MYO1H: variants seen among roughly 807,000 people sequenced by gnomAD.
The protein encoded by MYO1H is myosin IH.
A neutral mutation model predicts 149.3 loss-of-function variants in MYO1H; 118 were observed. That is an observed-to-expected ratio of 0.79 (90% confidence interval 0.68 to 0.92). MYO1H has a LOEUF of 0.92. MYO1H is among the 40% of genes least tolerant of loss of function. MYO1H has a pLI of 0.00. For synonymous variants in MYO1H, 447 were observed against 465.2 expected (o/e 0.96, Z 0.50); for missense variants, 1,212 against 1,280.7 (o/e 0.95, Z 0.82).
chr12:109,338,945 C>T, the MYO1H span, among the ~76,000 whole-genome samples: 382 of 152,136 alleles, frequency 2.5e-3, 1 homozygote, highest in African/African-American at 8.5e-3. Context: ...GTTCCTGTTA[C>T]GATGCTCAAG....
chr12:109,321,844 G>A, the MYO1H span, among the ~76,000 whole-genome samples: 1 of 152,250 alleles, frequency 6.6e-6, no homozygotes, highest in Non-Finnish European at 1.5e-5. Flanking sequence ...CACTTTTGAG[G>A]GACTGATGAC....
chr12:109,386,481 G>T (rs765042111), intron 1 of MYO1H, among the ~76,000 whole-genome samples: 4 of 152,240 alleles, frequency 2.6e-5, no homozygotes, highest in Non-Finnish European at 5.9e-5. Context: ...AAGTGCGAGA[G>T]AATTCTGTCT....
At chr12:109,436,647 T>C in intron 22 of MYO1H, 91 bp downstream of exon 22, 1 of 840,624 alleles carries the variant, frequency 1.2e-6, no homozygotes. Flanking sequence ...CCCCTGCTCA[T>C]CCTTAAAACC....
At chr12:109,416,729 C>A (rs1361911804) in intron 15 of MYO1H, among the ~76,000 whole-genome samples, 1 of 152,160 alleles carries the variant, frequency 6.6e-6, no homozygotes, top group African/African-American at 2.4e-5. Context: ...TGGCTCACGC[C>A]TGTAATCCAG....
chr12:109,327,781 C>T, the MYO1H span, among the ~76,000 whole-genome samples: 1 of 148,602 alleles, frequency 6.7e-6, no homozygotes, highest in Non-Finnish European at 1.5e-5. Context: ...GAAAAAGTGC[C>T]TCTTCTGCCT....
At chr12:109,379,761 T>C (rs1326205985) in intron 1 of MYO1H, among the ~76,000 whole-genome samples, 1 of 127,516 alleles carries the variant, frequency 7.8e-6, no homozygotes, top group East Asian at 2.3e-4. Flanking sequence ...TGAGATGGAG[T>C]CTCACTCTGT....
chr12:109,441,745 A>G, intron 26 of MYO1H, 37 bp downstream of exon 26: 1 of 1,500,548 alleles, frequency 6.7e-7, no homozygotes, highest in Non-Finnish European at 9.2e-7. Flanking sequence ...TTGGCTTTCC[A>G]ATTCTAAAAG....
chr12:109,395,252 A>G (rs1869839946), intron 3 of MYO1H, among the ~76,000 whole-genome samples: 1 of 152,136 alleles, frequency 6.6e-6, no homozygotes, highest in Non-Finnish European at 1.5e-5. Context: ...CATTTTTAGT[A>G]TTCTAGGTTT....
chr12:109,423,622 G>C (rs1871257394), intron 16 of MYO1H, among the ~76,000 whole-genome samples: 1 of 152,168 alleles, frequency 6.6e-6, no homozygotes, highest in African/African-American at 2.4e-5. Context: ...TGGAAATACT[G>C]TCTACTTTCT....
At chr12:109,339,387 T>A in the MYO1H span, among the ~76,000 whole-genome samples, 1 of 152,120 alleles carries the variant, frequency 6.6e-6, no homozygotes, top group Non-Finnish European at 1.5e-5. Context: ...TAAAAATAAG[T>A]TAACATTTCC....
Position 109,444,367 on chromosome 12 carries a change from A to G in MYO1H, c.2896-65A>G, listed in dbSNP as rs116134305. 2,669 of 1,564,696 alleles carry G rather than the reference A, an allele frequency of 1.7e-3. 53 individuals are homozygous for G. In the African/African-American group the frequency reaches 0.032, roughly 19 times the overall value. On this transcript the variant is annotated intron_variant, in intron 29 of 31. Coordinates refer to ENST00000310903, the Ensembl canonical transcript of MYO1H. ...AAGTTGACCACCGTGAAACTTCTCT[A>G]TTGGAGTGTCTGTTTCTTTAAGCTG...
chr12:109,369,281 A>G (rs540620164), intron 1 of MYO1H, among the ~76,000 whole-genome samples: 94 of 152,276 alleles, frequency 6.2e-4, no homozygotes, highest in African/African-American at 2.2e-3. Context: ...ACAGTATTCC[A>G]TGGTGTATAT....
At chr12:109,349,908 C>T (rs1009985413) in intron 1 of MYO1H, among the ~76,000 whole-genome samples, 51 of 147,394 alleles carry the variant, frequency 3.5e-4, no homozygotes, top group African/African-American at 1.2e-3. Flanking sequence ...TTGCAGTGAG[C>T]GGAGATCACG....
chr12:109,445,857 T>C (rs1872458739), intron 31 of MYO1H: 6 of 985,282 alleles, frequency 6.1e-6, no homozygotes, highest in Non-Finnish European at 7.2e-6. Flanking sequence ...GAAGCTGACA[T>C]GAGACACTTC....
chr12:109,313,246 C>G, the MYO1H span, among the ~76,000 whole-genome samples: 2 of 151,834 alleles, frequency 1.3e-5, no homozygotes, highest in African/African-American at 4.8e-5. Flanking sequence ...GAACCTGTCT[C>G]AAAAAAACAA....
At chr12:109,399,591 C>CA (rs34417905) in intron 5 of MYO1H, among the ~76,000 whole-genome samples, 6,227 of 69,810 alleles carry the variant, frequency 0.089, 503 homozygotes, top group African/African-American at 0.19. Context: ...GACTCTGTCT[C>CA]AAAAAAAAAA....
At chr12:109,313,879 G>T in the MYO1H span, among the ~76,000 whole-genome samples, 1 of 151,970 alleles carries the variant, frequency 6.6e-6, no homozygotes, top group South Asian at 2.1e-4. Context: ...GTTTTCTTTG[G>T]AGTTTTTTGT....
At chr12:109,332,685 C>G in the MYO1H span, among the ~76,000 whole-genome samples, 2 of 152,234 alleles carry the variant, frequency 1.3e-5, no homozygotes, top group African/African-American at 4.8e-5. Flanking sequence ...TCAGGTGATC[C>G]TCTTGCCTCA....
chr12:109,376,085 A>G (rs1423779242), intron 1 of MYO1H, among the ~76,000 whole-genome samples: 1 of 152,052 alleles, frequency 6.6e-6, no homozygotes, highest in Non-Finnish European at 1.5e-5. Context: ...TCACATTTAG[A>G]TTTTTTTTGG....
Sources: allele counts gnomAD v4.1 joint callset (sites outside exome capture counted in the v4.1 genomes callset), GRCh38; gene constraint gnomAD v4.1.1; transcripts MANE v1.5; gene names NCBI Gene and HGNC (gene_info 2026-07-23, HGNC 2026-07-21).